Variants in MYO5B observed in about 807,000 individuals in gnomAD.
MYO5B encodes myosin VB, also known as unconventional myosin-Vb.
Under a neutral mutation model 229.3 loss-of-function variants are expected in MYO5B, and 143 were observed. The observed-to-expected ratio is 0.62, with a 90% CI of 0.54 to 0.72. The LOEUF (loss-of-function observed/expected upper bound fraction) is 0.72. Among genes scored for constraint, MYO5B ranks in the 30% least tolerant of loss-of-function variants. MYO5B has a pLI of 0.00. For synonymous variants in MYO5B, 918 were observed against 885.2 expected, an observed-to-expected ratio of 1.04 and a Z score of -0.66; for missense variants, 2,321 against 2,331.0, an observed-to-expected ratio of 1.00 and a Z score of 0.09.
In MYO5B at chr18:50,194,775, A is replaced by T; in HGVS notation, c.19T>A (p.Tyr7Asn). 1 of 1,463,620 alleles carries T rather than the reference A, an allele frequency of 6.8e-7. No individual in the cohort carries two copies. The highest frequency in any genetic ancestry group is 2.3e-4 in the Middle Eastern group (1 of 4,334). 90.7% of individuals were successfully genotyped at this position (1,463,620 alleles called of 1,614,324 possible). A position where few individuals can be genotyped will look rare whatever the true frequency, so the allele number is the denominator to read the frequency against. Residue 7 changes from tyrosine (Y) to asparagine (N), a missense_variant, in exon 1 of 40, where the codon TAC becomes AAC. By Grantham distance (143) the Tyr-to-Asn change is moderately radical. Coordinates refer to ENST00000285039, the MANE Select transcript of MYO5B (RefSeq NM_001080467.3). Reference sequence around the variant, plus strand: ...CTCGCGGCCGCGCTCACCTGGCTGTAGAGCTCGCCCACCGACATGGCCCGG... The same window carrying T: ...CTCGCGGCCGCGCTCACCTGGCTGTTGAGCTCGCCCACCGACATGGCCCGG... MSVGEL[Y>N]SQCTRVWIPD...
chr18:50,137,030 G>A (rs2032347021), intron 1 of MYO5B, among the ~76,000 whole-genome samples: 1 of 152,216 alleles, frequency 6.6e-6, no homozygotes, highest in Non-Finnish European at 1.5e-5. Context: ...AGGGAGGCTA[G>A]TGCTTACTTT....
At chr18:49,877,289 C>A (rs372304673) in intron 25 of MYO5B, among the ~76,000 whole-genome samples, 1 of 152,246 alleles carries the variant, frequency 6.6e-6, no homozygotes. Context: ...AAGATACAGT[C>A]ACCCAGCATA....
intron 1 of MYO5B, among the ~76,000 whole-genome samples, chr18:50,066,244 T>C (rs1047170930): frequency 6.6e-6 from 1 of 152,176 alleles, no homozygotes; most frequent in Non-Finnish European, 1.5e-5. Flanking sequence ...TTTGTCCTCA[T>C]ATGAGCACTA....
chr18:49,905,405 C>T (rs2024888291), intron 19 of MYO5B, among the ~76,000 whole-genome samples: 1 of 152,160 alleles, frequency 6.6e-6, no homozygotes, highest in Non-Finnish European at 1.5e-5. Context: ...GCCTTCCCAT[C>T]TCACCTCCCA....
chr18:50,099,785 T>C (rs1435061728), intron 1 of MYO5B, among the ~76,000 whole-genome samples: 1 of 152,134 alleles, frequency 6.6e-6, no homozygotes, highest in Non-Finnish European at 1.5e-5. Context: ...GTACTTATGT[T>C]CCCCCTGTAA....
chr18:50,072,539 C>T (rs546315880), intron 1 of MYO5B, among the ~76,000 whole-genome samples: 17 of 152,232 alleles, frequency 1.1e-4, no homozygotes, highest in Non-Finnish European at 2.4e-4. Flanking sequence ...CCTCAGTTTC[C>T]TCATTTGTAG....
chr18:49,953,034 T>TC (rs1286834963), intron 14 of MYO5B, among the ~76,000 whole-genome samples: 1 of 152,140 alleles, frequency 6.6e-6, no homozygotes, highest in Non-Finnish European at 1.5e-5. Context: ...CTCCTTGCTT[T>TC]CTTCCCTCCA....
chr18:50,001,316 C>T lies in MYO5B; in HGVS notation c.551G>A (p.Gly184Asp), dbSNP rs924309788. 1 of 1,614,090 alleles carries T rather than the reference C, an allele frequency of 6.2e-7. No homozygotes were observed. Among genetic ancestry groups the T allele is most frequent in the African/African-American group, 1.3e-5 (1 of 74,942 alleles). Residue 184 changes from glycine (G) to aspartate (D), a missense_variant, in exon 5 of 40, where the codon GGT becomes GAT. By Grantham distance (94) the Gly-to-Asp change is moderately conservative (BLOSUM62 -1). Transcript: ENST00000285039. ...GATGTTGGTTTCACTGGCCGAGCCA[C>T]CAACGGTGGCGAAATAGCGCATGGC... is the stretch of plus-strand genomic sequence containing the variant. ...KYAMRYFATV[G>D]GSASETNIEE...
intron 1 of MYO5B, among the ~76,000 whole-genome samples, chr18:50,115,428 G>C (rs1395947974): frequency 2.6e-5 from 4 of 152,128 alleles, no homozygotes. Context: ...TGCAGAACTT[G>C]CATTCCTCAC....
At chr18:50,172,740 T>A (rs2032937230) in intron 1 of MYO5B, among the ~76,000 whole-genome samples, 2 of 152,098 alleles carry the variant, frequency 1.3e-5, no homozygotes, top group African/African-American at 4.8e-5. Flanking sequence ...GACCTCAGGA[T>A]CCAGGTGAGG....
intron 1 of MYO5B, among the ~76,000 whole-genome samples, chr18:50,193,186 G>T (rs1416927839): frequency 6.6e-6 from 1 of 152,214 alleles, no homozygotes; most frequent in African/African-American, 2.4e-5. Context: ...GAGCTTTTAG[G>T]GATCCTCCCA....
chr18:50,028,768 G>C (rs543498754), intron 4 of MYO5B, among the ~76,000 whole-genome samples: 6 of 152,200 alleles, frequency 3.9e-5, no homozygotes, highest in Non-Finnish European at 5.9e-5. Flanking sequence ...AATTTCCACC[G>C]GGTGACGCAG....
At chr18:50,048,893 A>G (rs1449462981) in intron 2 of MYO5B, among the ~76,000 whole-genome samples, 2 of 152,012 alleles carry the variant, frequency 1.3e-5, no homozygotes, top group African/African-American at 4.8e-5. Context: ...GTGGTGGCAT[A>G]CGCTTGTAAT....
chr18:49,920,988 A>G (rs1332217139), intron 17 of MYO5B, among the ~76,000 whole-genome samples: 3 of 152,188 alleles, frequency 2.0e-5, no homozygotes, highest in East Asian at 1.9e-4. Context: ...ATATCATTCC[A>G]AAATCAGTTC....
In MYO5B at chr18:49,879,027, G is replaced by A; in HGVS notation, c.3194C>T (p.Ser1065Phe). 6.2e-7 allele frequency: 1 copy of A among 1,608,118 alleles called. No homozygotes were observed. The highest frequency in any genetic ancestry group is 8.5e-7 in the Non-Finnish European group (1 of 1,178,694). ...TTCCTTCACAAGGTTCTGGTACCGG[G>A]ATCGCTCCTCCTCCAGTTCTTTCTT... ...LMKKELEEERSRYQNLVKEYS... is the reference protein window; with the variant it reads ...LMKKELEEERFRYQNLVKEYS... Residue 1065 changes from serine (S) to phenylalanine (F), a missense_variant, in exon 24 of 40, where the codon TCC becomes TTC. By Grantham distance (155) the Ser-to-Phe change is radical. Coordinates refer to ENST00000285039, the MANE Select transcript of MYO5B (RefSeq NM_001080467.3).
intron 1 of MYO5B, among the ~76,000 whole-genome samples, chr18:50,186,338 T>C (rs1249062546): frequency 6.6e-6 from 1 of 152,230 alleles, no homozygotes; most frequent in Non-Finnish European, 1.5e-5. Context: ...ATTGTATGGA[T>C]TGTTTCAATA....
At chr18:50,186,167 T>C (rs1202881136) in intron 1 of MYO5B, among the ~76,000 whole-genome samples, 1 of 152,234 alleles carries the variant, frequency 6.6e-6, no homozygotes, top group African/African-American at 2.4e-5. Context: ...TGTACAGTAC[T>C]GCACGCTTCC....
rs1487106819 is a variant in MYO5B, at chr18:49,836,812, C to T, written c.5212G>A (p.Glu1738Lys). Residue 1738 changes from glutamate (E) to lysine (K), a missense_variant, in exon 38 of 40, where the codon GAA becomes AAA. By Grantham distance (56) the Glu-to-Lys change is moderately conservative (BLOSUM62 1). This residue lies in a region of MYO5B where 208 missense variants were observed against 286.3 expected (regional missense o/e 0.73). Coordinates refer to ENST00000285039, the MANE Select transcript of MYO5B (RefSeq NM_001080467.3). ...LHQSGAVQTMEPLIQAAQLLQ... is the reference protein window; with the variant it reads ...LHQSGAVQTMKPLIQAAQLLQ... ...AGCTGGGCTGCTTGGATCAGAGGTT[C>T]CATGGTCTGAACTGCTCCACTCTGG... 1.2e-6 allele frequency: 2 copies of T among 1,614,156 alleles called. No individual in the cohort carries two copies. The highest frequency in any genetic ancestry group is 1.7e-5 in the Admixed American group (1 of 60,022).
At chr18:49,941,627 T>C (rs1217715203) in intron 14 of MYO5B, among the ~76,000 whole-genome samples, 1 of 152,182 alleles carries the variant, frequency 6.6e-6, no homozygotes, top group Non-Finnish European at 1.5e-5. Context: ...GTGACAATTC[T>C]GTTCCTATTC....
Sources: gnomAD v4.1 joint callset for allele counts (sites outside exome capture counted in the v4.1 genomes callset) on GRCh38, gnomAD v4.1.1 for gene constraint, gnomAD v4.1.1 regional missense constraint, MANE v1.5 for transcripts, NCBI Gene and HGNC (gene_info 2026-07-23, HGNC 2026-07-21) for gene names.